PCDH9: variants seen among roughly 807,000 people sequenced by gnomAD.
PCDH9 encodes the protein protocadherin 9.
Under a neutral mutation model 70.6 loss-of-function variants are expected in PCDH9, and 24 were observed. The ratio of observed to expected loss-of-function variants is 0.34; its 90% CI spans 0.25 to 0.48. The LOEUF (loss-of-function observed/expected upper bound fraction) is 0.48. PCDH9 is among the 20% of genes least tolerant of loss of function. The probability of loss-of-function intolerance (pLI) is 0.99; values close to 1 mark genes in which losing one functional copy is unlikely to be tolerated. For missense variants in PCDH9, 1,281 were observed against 1,503.6 expected, an observed-to-expected ratio of 0.85 and a Z score of 2.45; for synonymous variants, 562 against 558.5, an observed-to-expected ratio of 1.01 and a Z score of -0.09.
chr13:66,490,000 C>T (rs1481518278), intron 4 of PCDH9, among the ~76,000 whole-genome samples: 3 of 152,100 alleles, frequency 2.0e-5, no homozygotes, highest in African/African-American at 7.2e-5. Context: ...TTCTATTGTA[C>T]TTTAAGTTCT....
intron 2 of PCDH9, chr13:67,224,682 G>T: frequency 2.9e-6 from 1 of 344,674 alleles, no homozygotes; most frequent in Non-Finnish European, 4.1e-6. Context: ...TATTTACAAT[G>T]GATTCATTCT....
intron 4 of PCDH9, among the ~76,000 whole-genome samples, chr13:66,305,720 A>G (rs749893572): frequency 6.6e-6 from 1 of 152,122 alleles, no homozygotes; most frequent in Non-Finnish European, 1.5e-5. Context: ...TTGAATCCAG[A>G]CAGTGTTTAG....
chr13:66,974,571 C>T (rs2139754714), intron 2 of PCDH9, among the ~76,000 whole-genome samples: 1 of 152,022 alleles, frequency 6.6e-6, no homozygotes, highest in East Asian at 1.9e-4. Flanking sequence ...AGGCATTTTC[C>T]CATACTACAG....
intron 2 of PCDH9, among the ~76,000 whole-genome samples, chr13:66,939,424 ATGTGTGTGTG>A (rs57997772): frequency 0.16 from 23,863 of 148,038 alleles, 2,051 homozygotes; most frequent in Non-Finnish European, 0.18. Context: ...TTTAAAATAT[ATGTGTGTGTG>A]TGTGTGTGTG....
At chr13:66,489,417 C>A (rs1001800215) in intron 4 of PCDH9, among the ~76,000 whole-genome samples, 9 of 152,046 alleles carry the variant, frequency 5.9e-5, no homozygotes, top group African/African-American at 2.2e-4. Context: ...CTCAAGCAAG[C>A]CTCCCACCTC....
At chr13:66,557,844 C>T (rs929918099) in intron 4 of PCDH9, among the ~76,000 whole-genome samples, 1 of 152,074 alleles carries the variant, frequency 6.6e-6, no homozygotes, top group Admixed American at 6.6e-5. Flanking sequence ...GAAATATAAT[C>T]GCATTAGAGA....
chr13:67,102,336 T>G (rs77662214), intron 2 of PCDH9, among the ~76,000 whole-genome samples: 1,561 of 152,214 alleles, frequency 0.01, 11 homozygotes, highest in Non-Finnish European at 0.016. Flanking sequence ...TTTCTCAGCC[T>G]CCACGGACTC....
At chr13:66,409,008 A>G (rs1957328158) in intron 4 of PCDH9, among the ~76,000 whole-genome samples, 1 of 152,182 alleles carries the variant, frequency 6.6e-6, no homozygotes. Context: ...TGTAAGGATT[A>G]GGTAATATAA....
At chr13:67,080,264 T>C (rs933768722) in intron 2 of PCDH9, among the ~76,000 whole-genome samples, 6 of 152,254 alleles carry the variant, frequency 3.9e-5, no homozygotes, top group African/African-American at 1.4e-4. Context: ...TAATAACATT[T>C]ATGGTAATTT....
chr13:66,567,937 C>T (rs764469451), intron 4 of PCDH9, among the ~76,000 whole-genome samples: 15 of 152,114 alleles, frequency 9.9e-5, no homozygotes, highest in Non-Finnish European at 2.2e-4. Context: ...ATTTATATTC[C>T]ACTAGTGCTG....
At chr13:66,485,557 G>T (rs948971374) in intron 4 of PCDH9, among the ~76,000 whole-genome samples, 3 of 151,828 alleles carry the variant, frequency 2.0e-5, no homozygotes, top group African/African-American at 7.3e-5. Flanking sequence ...AATAAGAAAG[G>T]CACCAGAAAT....
intron 4 of PCDH9, among the ~76,000 whole-genome samples, chr13:66,605,734 T>C (rs1363803792): frequency 6.6e-6 from 1 of 152,142 alleles, no homozygotes; most frequent in Non-Finnish European, 1.5e-5. Flanking sequence ...ATTATCTTAA[T>C]AGACTTGATG....
intron 4 of PCDH9, among the ~76,000 whole-genome samples, chr13:66,516,465 TA>T (rs961569701): frequency 1.3e-5 from 2 of 151,934 alleles, no homozygotes; most frequent in Admixed American, 6.6e-5. Flanking sequence ...TAATTAAATC[TA>T]AAAAAAATTT....
At chr13:67,040,131 G>GA (rs888726823) in intron 2 of PCDH9, among the ~76,000 whole-genome samples, 1 of 152,124 alleles carries the variant, frequency 6.6e-6, no homozygotes, top group African/African-American at 2.4e-5. Context: ...TAAAAACTCA[G>GA]AATTGGGCTA....
intron 4 of PCDH9, among the ~76,000 whole-genome samples, chr13:66,367,857 G>A (rs1956579762): frequency 6.6e-6 from 1 of 152,084 alleles, no homozygotes; most frequent in African/African-American, 2.4e-5. Flanking sequence ...TAGGAACTCT[G>A]TAAAGCTTAT....
chr13:66,951,799 A>G (rs1280293872), intron 2 of PCDH9, among the ~76,000 whole-genome samples: 1 of 152,182 alleles, frequency 6.6e-6, no homozygotes, highest in African/African-American at 2.4e-5. Context: ...TCCTTTCTTG[A>G]TAACAACCTA....
intron 3 of PCDH9, among the ~76,000 whole-genome samples, chr13:66,848,444 CT>C (rs2081250471): frequency 6.6e-6 from 1 of 152,126 alleles, no homozygotes; most frequent in Non-Finnish European, 1.5e-5. Flanking sequence ...AACATTTACG[CT>C]TAAAAAGCAT....
chr13:66,387,658 A>G (rs1956952005), intron 4 of PCDH9, among the ~76,000 whole-genome samples: 1 of 151,364 alleles, frequency 6.6e-6, no homozygotes, highest in African/African-American at 2.4e-5. Context: ...ATGAGGCTCT[A>G]TGAGGCCCTC....
At chr13:66,945,538 T>C (rs556762363) in intron 2 of PCDH9, among the ~76,000 whole-genome samples, 2 of 152,190 alleles carry the variant, frequency 1.3e-5, no homozygotes, top group Non-Finnish European at 2.9e-5. Flanking sequence ...TATCTACGTG[T>C]ATCCATACAT....
Sources: gnomAD v4.1 joint callset for allele counts (sites outside exome capture counted in the v4.1 genomes callset) on GRCh38, gnomAD v4.1.1 for gene constraint, MANE v1.5 for transcripts, NCBI Gene and HGNC (gene_info 2026-07-23, HGNC 2026-07-21) for gene names.